B4GALNT1: variants seen among roughly 807,000 people sequenced by gnomAD.
B4GALNT1 encodes beta-1,4-N-acetyl-galactosaminyltransferase 1, also known as beta-1,4 N-acetylgalactosaminyltransferase 1.
A neutral mutation model predicts 55.2 loss-of-function variants in B4GALNT1; 43 were observed. The ratio of observed to expected loss-of-function variants is 0.78; its 90% CI spans 0.61 to 1.00. The LOEUF (loss-of-function observed/expected upper bound fraction) is 1.00, where lower values mean the gene tolerates loss of function less well. Ranked by LOEUF, B4GALNT1 falls within the 50% of genes least tolerant of loss-of-function variation. The probability of loss-of-function intolerance (pLI) is 0.00; values close to 1 mark genes in which losing one functional copy is unlikely to be tolerated. For synonymous variants in B4GALNT1, 305 were observed against 311.6 expected (o/e 0.98, Z 0.22); for missense variants, 664 against 729.7 (o/e 0.91, Z 1.04).
intron 4 of B4GALNT1, among the ~76,000 whole-genome samples, 187 bp from the exon 5 acceptor site, chr12:57,630,705 T>A (rs1885146177): frequency 1.3e-5 from 2 of 152,244 alleles, no homozygotes. Flanking sequence ...CGTCAAAGCT[T>A]GCCCTATGGC....
At position 57,631,026 on chromosome 12, in the gene B4GALNT1, G is replaced by C. The variant is rs1398325633; in HGVS notation, c.444C>G (p.Pro148=). The C allele has an allele frequency of 1.2e-6, 2 of 1,613,264 alleles. No homozygotes were observed. Among genetic ancestry groups the C allele is most frequent in the Admixed American group, 1.7e-5 (1 of 59,980 alleles). The change falls in exon 4 of 11, where the codon CCC becomes CCG. Residue 148 remains proline (P), a synonymous_variant. Transcript: ENST00000341156. The part of the protein sequence containing the change: ...IAPANSPLQY[P]LQGVEVQPLR... ...GGGGCTGAACTTCCACACCCTGTAG[G>C]GGGTACTGGAGCGGGGAGTTGGCAG... is the stretch of plus-strand genomic sequence containing the variant.
rs776460717 is a variant in B4GALNT1 at position 57,628,836 on chromosome 12, C to T, written c.879G>A (p.Arg293=). 6.2e-7 allele frequency: 1 copy of T among 1,614,190 alleles called. No individual in the cohort carries two copies. Among genetic ancestry groups the T allele is most frequent in the South Asian group, 1.1e-5 (1 of 91,072 alleles). Residue 293 remains arginine (R), a synonymous_variant, in exon 8 of 11, where the codon CGG becomes CGA. Coordinates refer to ENST00000341156, the MANE Select transcript of B4GALNT1 (RefSeq NM_001478.5). ...AGCGGCGGATACTGGTGATGAGAGC[C>T]CGTAGCCGATCATAACGGAGGAAGG... ...TKTFLRYDRL[R]ALITSIRRFY... is the part of the protein sequence containing the mutation.
chr12:57,630,019 C>A, intron 6 of B4GALNT1, 133 bp downstream of exon 6: 1 of 1,564,592 alleles, frequency 6.4e-7, no homozygotes, highest in South Asian at 1.2e-5. Flanking sequence ...CCAGTTGAAG[C>A]ACCCATTGTG....
intron 1 of B4GALNT1, 99 bp from the exon 2 acceptor site, chr12:57,632,232 C>G: frequency 2.6e-6 from 3 of 1,175,048 alleles, no homozygotes; most frequent in Non-Finnish European, 2.5e-6. Flanking sequence ...CCTGCCGGCT[C>G]CCAAGAGCGC....
rs138590413 is a variant in B4GALNT1 at position 57,631,371 on chromosome 12, G to A, written c.219-7C>T. ...GTTGTTCCAAGCCAGCAGCCTGAAGGGGGTAGGTAGTGAGGGTCATCAGAG... is the reference window on the plus strand; with the variant it reads ...GTTGTTCCAAGCCAGCAGCCTGAAGAGGGTAGGTAGTGAGGGTCATCAGAG... On this transcript the variant is annotated splice_region_variant and splice_polypyrimidine_tract_variant and intron_variant, in intron 2 of 10. Transcript: ENST00000341156. 3,887 of 1,613,870 alleles carry A rather than the reference G, an allele frequency of 2.4e-3. 73 individuals carry two copies. The African/African-American group carries it at 0.045, about 19-fold the overall frequency.
At chr12:57,630,943 T>C (rs1165384264) in intron 4 of B4GALNT1, 37 bp downstream of exon 4, 1 of 1,578,948 alleles carries the variant, frequency 6.3e-7, no homozygotes, top group Admixed American at 1.7e-5. Flanking sequence ...CCACCCCCAC[T>C]GTGGCTGAGG....
rs369961371 is a variant in B4GALNT1 at position 57,624,037 on chromosome 12, G to T, written c.*2707C>A. On this transcript the variant is annotated 3_prime_UTR_variant, in exon 11 of 11. Coordinates refer to ENST00000341156, the MANE Select transcript of B4GALNT1 (RefSeq NM_001478.5). ...GCTTGCATCAACATCTCCAGCATGC[G>T]CCAGGTGTTCTGCCAGATGCAGGAA... 11 of 1,612,560 alleles carry T rather than the reference G, an allele frequency of 6.8e-6. No individual in the cohort carries two copies. Among genetic ancestry groups the T allele is most frequent in the Non-Finnish European group, 9.3e-6 (11 of 1,179,218 alleles).
At position 57,626,766 on chromosome 12, in the gene B4GALNT1, A is replaced by C; in HGVS notation, c.1580T>G (p.Leu527Arg). Residue 527 changes from leucine (L) to arginine (R), a missense_variant, in exon 11 of 11, where the codon CTG (leucine) becomes CGG (arginine). Coordinates refer to ENST00000341156, the MANE Select transcript of B4GALNT1 (RefSeq NM_001478.5). ...KHRLLFFKHR[L>R]QCMTSQ ...CCATCACTGGGAGGTCATGCACTGCAGCCGGTGTTTGAAGAAGAGCAGCCG... is the reference window on the plus strand; with the variant it reads ...CCATCACTGGGAGGTCATGCACTGCCGCCGGTGTTTGAAGAAGAGCAGCCG... 1 of 1,614,208 alleles carries C rather than the reference A, an allele frequency of 6.2e-7. No individual in the cohort carries two copies. Among genetic ancestry groups the C allele is most frequent in the South Asian group, 1.1e-5 (1 of 91,080 alleles).
At chr12:57,626,992 A>T (rs1254742603) in intron 10 of B4GALNT1, 31 bp from the exon 11 acceptor site, 3 of 1,584,592 alleles carry the variant, frequency 1.9e-6, no homozygotes, top group Non-Finnish European at 1.7e-6. Context: ...ACAGTGAGGG[A>T]TCCTGAGGGT....
In B4GALNT1 at chr12:57,625,150, G is replaced by A. The variant is rs183976577; in HGVS notation, c.*1594C>T. 11 of 1,613,960 alleles carry A rather than the reference G, an allele frequency of 6.8e-6. No individual in the cohort carries two copies. Among genetic ancestry groups the A allele is most frequent in the Non-Finnish European group, 9.3e-6 (11 of 1,180,012 alleles). ...GACTTCAAAGCCAGATGGCCCAATG[G>A]TTGCAGGTGAGATGGGGTGACAAGA... On this transcript the variant is annotated 3_prime_UTR_variant, in exon 11 of 11. Coordinates refer to ENST00000341156, the MANE Select transcript of B4GALNT1 (RefSeq NM_001478.5).
At position 57,624,929 on chromosome 12, in the gene B4GALNT1, G is replaced by A. The variant is rs767557267; in HGVS notation, c.*1815C>T. 1 of 1,614,168 alleles carries A rather than the reference G, an allele frequency of 6.2e-7. No homozygotes were observed. On this transcript the variant is annotated 3_prime_UTR_variant, in exon 11 of 11. Transcript: ENST00000341156. ...AACACCACTGTACTTTGGGACCCGTGGGCAGTTTCGCTGCAACCTGGAGTG... is the reference window on the plus strand; with the variant it reads ...AACACCACTGTACTTTGGGACCCGTAGGCAGTTTCGCTGCAACCTGGAGTG...
At position 57,624,906 on chromosome 12, in the gene B4GALNT1, C is replaced by A. The variant is rs1163960917; in HGVS notation, c.*1838G>T. On this transcript the variant is annotated 3_prime_UTR_variant, in exon 11 of 11. Coordinates refer to ENST00000341156, the MANE Select transcript of B4GALNT1 (RefSeq NM_001478.5). The stretch of plus-strand genomic sequence containing the variant: ...GGGCTCTGCATCCTGAGCTATCCAA[C>A]ACCACTGTACTTTGGGACCCGTGGG... 6.2e-7 allele frequency: 1 copy of A among 1,614,210 alleles called. No homozygotes were observed. Among genetic ancestry groups the A allele is most frequent in the Admixed American group, 1.7e-5 (1 of 60,028 alleles).
chr12:57,627,056 G>C (rs1430059196), intron 10 of B4GALNT1, 95 bp from the exon 11 acceptor site: 1 of 1,064,370 alleles, frequency 9.4e-7, no homozygotes, highest in African/African-American at 1.6e-5. Context: ...TGGAAAGTGT[G>C]TGTGCAAAGG....
In B4GALNT1 at chr12:57,624,644, G is replaced by T; in HGVS notation, c.*2100C>A. The T allele has an allele frequency of 2.8e-6, 2 of 722,416 alleles. No homozygotes were observed. The highest frequency in any genetic ancestry group is 2.6e-6 in the Non-Finnish European group (1 of 384,422). 44.8% of individuals were successfully genotyped at this position (722,416 alleles called of 1,614,324 possible). A position where few individuals can be genotyped will look rare whatever the true frequency, so the allele number is the denominator to read the frequency against. On this transcript the variant is annotated 3_prime_UTR_variant, in exon 11 of 11. Transcript: ENST00000341156. ...ATGAGTGGAGTTGAGGTCGGGGCAG[G>T]GGAAGAGAATGAGGTGCTTGGGGTG...
chr12:57,632,410 C>T (rs917422426), intron 1 of B4GALNT1: 4 of 564,016 alleles, frequency 7.1e-6, no homozygotes, highest in South Asian at 2.0e-5. Context: ...ATGCTGAAGA[C>T]ATTTGGATGC....
intron 7 of B4GALNT1, 64 bp downstream of exon 7, chr12:57,628,984 C>T: frequency 1.9e-6 from 3 of 1,595,712 alleles, no homozygotes; most frequent in Non-Finnish European, 2.6e-6. Context: ...CCCAGGACTG[C>T]CCTCTCCCAA....
Position 57,628,573 on chromosome 12 carries a change from T to G in B4GALNT1, c.1002+140A>C. 3 of 1,091,812 alleles carry G rather than the reference T, an allele frequency of 2.7e-6. No individual in the cohort carries two copies. The South Asian group carries it at 4.6e-5, about 17-fold the overall frequency. 67.6% of individuals were successfully genotyped at this position (1,091,812 alleles called of 1,614,324 possible). On this transcript the variant is annotated intron_variant, in intron 8 of 10. Transcript: ENST00000341156. ...TTTCCTGCTCCCACGAAGCTTACAT[T>G]CCAGGAATCCTCATGCTTAACAGGC... is the stretch of plus-strand genomic sequence containing the variant.
intron 6 of B4GALNT1, chr12:57,629,901 C>G: frequency 6.5e-7 from 1 of 1,534,350 alleles, no homozygotes; most frequent in South Asian, 1.2e-5. Context: ...TCCTGGGGCC[C>G]CCCACAGTTG....
chr12:57,625,490 C>T lies in B4GALNT1; in HGVS notation c.*1254G>A. The stretch of plus-strand genomic sequence containing the variant: ...GTGAGATGTGTGGAGAAGAGCGGGG[C>T]CCAGTGCCTGGGCAATGACTGGACA... On this transcript the variant is annotated 3_prime_UTR_variant, in exon 11 of 11. Coordinates refer to ENST00000341156, the MANE Select transcript of B4GALNT1 (RefSeq NM_001478.5). The T allele has an allele frequency of 1.2e-6, 2 of 1,614,098 alleles. No individual in the cohort carries two copies. The highest frequency in any genetic ancestry group is 1.7e-6 in the Non-Finnish European group (2 of 1,179,978).
Sources: gnomAD v4.1 joint callset for allele counts (sites outside exome capture counted in the v4.1 genomes callset) on GRCh38, gnomAD v4.1.1 for gene constraint, MANE v1.5 for transcripts, NCBI Gene and HGNC (gene_info 2026-07-23, HGNC 2026-07-21) for gene names.